The following FAR2 variants were observed in gnomAD, a reference collection of about 807,000 sequenced individuals.
The protein encoded by FAR2 is epididymis secretory protein Li 81.
FAR2 carries 19 observed loss-of-function variants against 56.0 expected under a neutral mutation model. That is an observed-to-expected ratio of 0.34 (90% confidence interval 0.24 to 0.50). The LOEUF (loss-of-function observed/expected upper bound fraction) is 0.50. FAR2 is among the 20% of genes least tolerant of loss of function. The pLI, the probability that FAR2 is intolerant of heterozygous loss-of-function variation, is 0.98. For synonymous variants in FAR2, 219 were observed against 218.8 expected, an observed-to-expected ratio of 1.00 and a Z score of -0.01; for missense variants, 508 against 642.2, an observed-to-expected ratio of 0.79 and a Z score of 2.26.
chr12:29,322,537 C>T (rs1228164227), intron 10 of FAR2, among the ~76,000 whole-genome samples: 1 of 152,188 alleles, frequency 6.6e-6, no homozygotes, highest in Non-Finnish European at 1.5e-5. Flanking sequence ...TTCCTTAGCA[C>T]CAGCACCACT....
intron 7 of FAR2, 55 bp from the exon 8 acceptor site, chr12:29,311,828 C>G (rs2136791025): frequency 8.0e-7 from 1 of 1,257,022 alleles, no homozygotes; most frequent in Non-Finnish European, 1.1e-6. Context: ...CCTTATTTTT[C>G]TCTCATTAGT....
At chr12:29,309,318 C>G in intron 6 of FAR2, 88 bp downstream of exon 6, 1 of 934,486 alleles carries the variant, frequency 1.1e-6, no homozygotes, top group Non-Finnish European at 1.7e-6. Flanking sequence ...TTCATTGATC[C>G]AAAAACATAA....
chr12:29,208,013 T>C (rs1039356806), intron 1 of FAR2, among the ~76,000 whole-genome samples: 3 of 152,166 alleles, frequency 2.0e-5, no homozygotes, highest in Non-Finnish European at 4.4e-5. Context: ...CCCAGCCTAG[T>C]CAACAGACCG....
At chr12:29,165,810 A>G (rs1182476812) in intron 1 of FAR2, among the ~76,000 whole-genome samples, 1 of 152,220 alleles carries the variant, frequency 6.6e-6, no homozygotes, top group Admixed American at 6.5e-5. Flanking sequence ...AATTCAATAC[A>G]TTTAAGTTCA....
chr12:29,211,302 A>T (rs1169872157), intron 1 of FAR2, among the ~76,000 whole-genome samples: 3 of 152,172 alleles, frequency 2.0e-5, no homozygotes, highest in Non-Finnish European at 4.4e-5. Flanking sequence ...AAAAGAAAAA[A>T]AGAATATCTT....
At chr12:29,242,435 A>G (rs925008954) in intron 1 of FAR2, among the ~76,000 whole-genome samples, 1 of 152,162 alleles carries the variant, frequency 6.6e-6, no homozygotes, top group Admixed American at 6.5e-5. Context: ...GCAATTCCCT[A>G]ATTGAGTCAC....
chr12:29,297,580 C>T (rs1179821444), intron 4 of FAR2, among the ~76,000 whole-genome samples: 1 of 152,170 alleles, frequency 6.6e-6, no homozygotes, highest in Non-Finnish European at 1.5e-5. Flanking sequence ...TTTGGCATAG[C>T]TCCACCAGTA....
intron 6 of FAR2, among the ~76,000 whole-genome samples, 178 bp from the exon 7 acceptor site, chr12:29,310,850 G>A (rs929627507): frequency 6.6e-6 from 1 of 152,138 alleles, no homozygotes; most frequent in Non-Finnish European, 1.5e-5. Flanking sequence ...CATGCACTTG[G>A]CTGGGAAGGT....
intron 4 of FAR2, among the ~76,000 whole-genome samples, chr12:29,306,800 T>C (rs1949259683): frequency 6.6e-6 from 1 of 152,168 alleles, no homozygotes; most frequent in South Asian, 2.1e-4. Context: ...ATCTTGTAAG[T>C]AGGAGTAGTC....
chr12:29,290,149 T>C (rs1406089248), intron 2 of FAR2, among the ~76,000 whole-genome samples: 1 of 151,964 alleles, frequency 6.6e-6, no homozygotes, highest in Non-Finnish European at 1.5e-5. Flanking sequence ...CAAAAAACAA[T>C]AGAAATACCA....
At chr12:29,308,014 T>C (rs1218169111) in intron 5 of FAR2, 179 bp downstream of exon 5, 18 of 591,700 alleles carry the variant, frequency 3.0e-5, no homozygotes, top group Non-Finnish European at 4.5e-5. Flanking sequence ...TTACCCAGCA[T>C]GTGGCTCCTC....
In FAR2 at chr12:29,321,935, C is replaced by A. The variant is rs1453221905; in HGVS notation, c.1257+11C>A. 6.2e-7 allele frequency: 1 copy of A among 1,606,426 alleles called. No homozygotes were observed. Among genetic ancestry groups the A allele is most frequent in the Non-Finnish European group, 8.5e-7 (1 of 1,176,608 alleles). On this transcript the variant is annotated intron_variant, in intron 10 of 11. Transcript: ENST00000536681. Reference sequence around the variant, plus strand: ...CCTGAAGACCAGAGAGTAAGTAGAGCACTGACTTAAGCACCAGGAAAATGC... The same window carrying A: ...CCTGAAGACCAGAGAGTAAGTAGAGAACTGACTTAAGCACCAGGAAAATGC...
At chr12:29,318,979 TTTTTTC>T (rs944261560) in intron 9 of FAR2, among the ~76,000 whole-genome samples, 6 of 152,058 alleles carry the variant, frequency 3.9e-5, no homozygotes, top group African/African-American at 1.4e-4. Context: ...AAAGTCTTTT[TTTTTTC>T]TTTTTCTTTT....
intron 1 of FAR2, among the ~76,000 whole-genome samples, chr12:29,161,593 C>G (rs1949782471): frequency 6.6e-6 from 1 of 152,206 alleles, no homozygotes; most frequent in Non-Finnish European, 1.5e-5. Flanking sequence ...AGGACTAGAG[C>G]TGCTATGAGC....
At chr12:29,242,010 C>T (rs138155621) in intron 1 of FAR2, among the ~76,000 whole-genome samples, 15 of 152,352 alleles carry the variant, frequency 9.8e-5, no homozygotes, top group Non-Finnish European at 1.6e-4. Context: ...GTGGGCTTCT[C>T]CTGGTGCTAA....
chr12:29,154,831 C>T (rs187315339), intron 1 of FAR2, among the ~76,000 whole-genome samples: 246 of 152,240 alleles, frequency 1.6e-3, no homozygotes, highest in Non-Finnish European at 3.0e-3. Context: ...CTAAACTTGA[C>T]GTTGAAATGC....
At chr12:29,328,580 A>C (rs1256106192) in intron 10 of FAR2, among the ~76,000 whole-genome samples, 1 of 152,084 alleles carries the variant, frequency 6.6e-6, no homozygotes, top group African/African-American at 2.4e-5. Flanking sequence ...AAATGAGTTC[A>C]TGTCCTTTGT....
At chr12:29,247,038 A>G (rs1338665099) in intron 1 of FAR2, among the ~76,000 whole-genome samples, 1 of 152,176 alleles carries the variant, frequency 6.6e-6, no homozygotes, top group Non-Finnish European at 1.5e-5. Flanking sequence ...AACTAACTGC[A>G]TATTTCCAAA....
At chr12:29,210,879 G>A (rs1202661610) in intron 1 of FAR2, among the ~76,000 whole-genome samples, 1 of 152,134 alleles carries the variant, frequency 6.6e-6, no homozygotes, top group Non-Finnish European at 1.5e-5. Context: ...CCGGGATGCG[G>A]AGGCTGCAGT....
Sources: gnomAD v4.1 joint callset for allele counts (sites outside exome capture counted in the v4.1 genomes callset) on GRCh38, gnomAD v4.1.1 for gene constraint, MANE v1.5 for transcripts, NCBI Gene and HGNC (gene_info 2026-07-23, HGNC 2026-07-21) for gene names.